Variants in AKR1C1 observed in about 807,000 individuals in gnomAD.
AKR1C1 encodes the protein aldo-keto reductase family 1 member C1, also known as 20 alpha-hydroxysteroid dehydrogenase.
In AKR1C1, 32 loss-of-function variants were observed where a neutral mutation model predicts 40.6. That is an observed-to-expected ratio of 0.79 (90% CI 0.60 to 1.06). AKR1C1 has a LOEUF of 1.06. AKR1C1 is among the 50% of genes least tolerant of loss of function. AKR1C1 has a pLI of 0.00. For synonymous variants in AKR1C1, 105 were observed against 134.2 expected (o/e 0.78, Z 1.50); for missense variants, 320 against 363.5 (o/e 0.88, Z 0.97).
At chr10:4,968,766 C>T in intron 4 of AKR1C1, 56 bp from the exon 5 acceptor site, 1 of 1,613,056 alleles carries the variant, frequency 6.2e-7, no homozygotes, top group South Asian at 1.1e-5. Flanking sequence ...GTTACTTTCA[C>T]AGTTCTGTGT....
chr10:4,963,718 A>G lies in AKR1C1; in HGVS notation c.84+190A>G, dbSNP rs563365856. On this transcript the variant is annotated intron_variant, in intron 1 of 8. Transcript: ENST00000380872. ...TGTGGCACTGTTTTGTCTTCTGTTT[A>G]TGTTTATTTCACAGCTTGTCAGAGT... 6.6e-5 allele frequency: 49 copies of G among 743,172 alleles called. No homozygotes were observed. In the South Asian group the frequency reaches 6.9e-4, roughly 11 times the overall value. The allele number at this position is 743,172 out of a possible 1,614,324, so 46.0% of individuals were successfully genotyped here. A position where few individuals can be genotyped will look rare whatever the true frequency, so the allele number is the denominator to read the frequency against.
In AKR1C1 at chr10:4,972,655, C is replaced by T. The variant is rs1404205819; in HGVS notation, c.752C>T (p.Thr251Ile). ...LCALAKKHKRTPALIALRYQL... is the reference protein window; with the variant it reads ...LCALAKKHKRIPALIALRYQL... ...GCCTTGGCAAAAAAGCACAAGCGAA[C>T]CCCAGCCCTGATTGCCCTGCGCTAC... Residue 251 changes from threonine (T) to isoleucine (I), a missense_variant, in exon 7 of 9, where the codon ACC (threonine) becomes ATC (isoleucine). Around this residue, in one of 3 missense-constraint regions of AKR1C1, gnomAD observed 77 missense variants for 125.3 expected, o/e 0.61. Transcript: ENST00000380872. 1 of 1,613,086 alleles carries T rather than the reference C, an allele frequency of 6.2e-7. No individual in the cohort carries two copies. The highest frequency in any genetic ancestry group is 8.5e-7 in the Non-Finnish European group (1 of 1,180,048).
chr10:4,968,966 T>C (rs1336377597), intron 5 of AKR1C1, 22 bp downstream of exon 5: 1 of 1,613,958 alleles, frequency 6.2e-7, no homozygotes, highest in African/African-American at 1.3e-5. Flanking sequence ...CAGCCTCCTC[T>C]CCTTTCTGTT....
chr10:4,977,853 G>A lies in AKR1C1; in HGVS notation c.*111G>A. On this transcript the variant is annotated 3_prime_UTR_variant, in exon 9 of 9. Transcript: ENST00000380872. ...CATCGCCTCTGGTTAAATCTCTCCTGCTTGGTGATTTCAGCAAGCTACAGC... is the reference window on the plus strand; with the variant it reads ...CATCGCCTCTGGTTAAATCTCTCCTACTTGGTGATTTCAGCAAGCTACAGC... The A allele has an allele frequency of 1.4e-6, 2 of 1,470,394 alleles. No individual in the cohort carries two copies. The highest frequency in any genetic ancestry group is 2.4e-5 in the East Asian group (1 of 41,846). 91.1% of individuals were successfully genotyped at this position (1,470,394 alleles called of 1,614,324 possible).
rs1404426161 is a variant in AKR1C1 at position 4,981,781 on chromosome 10, G to A, written c.*4039G>A. On this transcript the variant is annotated 3_prime_UTR_variant, in exon 9 of 9. Coordinates refer to ENST00000380872, the MANE Select transcript of AKR1C1 (RefSeq NM_001353.6). ...CAAGTGCCTTGAGCAGAATCCACAGGGGAGAGCTGGAAGTGCATGGCAGAT... is the reference window on the plus strand; with the variant it reads ...CAAGTGCCTTGAGCAGAATCCACAGAGGAGAGCTGGAAGTGCATGGCAGAT... The A allele has an allele frequency of 6.6e-6, 1 of 152,284 alleles. No individual in the cohort carries two copies. The highest frequency in any genetic ancestry group is 1.5e-5 in the Non-Finnish European group (1 of 68,100). The allele number at this position is 152,284 out of a possible 1,614,324, so 9.4% of individuals were successfully genotyped here. A position where few individuals can be genotyped will look rare whatever the true frequency, so the allele number is the denominator to read the frequency against.
chr10:4,970,666 T>C lies in AKR1C1; in HGVS notation c.571-1535T>C, dbSNP rs149398095. ...TGAGTTCATATCCTTTGTAGGGACA[T>C]GGATGAAACTGGAAATCATCATTGT... On this transcript the variant is annotated intron_variant, in intron 5 of 8. Transcript: ENST00000380872. Among the ~76,000 whole-genome samples, 17 of 152,174 alleles carry C rather than the reference T, an allele frequency of 1.1e-4. No individual in the cohort carries two copies. In the East Asian group the frequency reaches 2.5e-3, roughly 22 times the overall value.
chr10:4,966,704 A>C (rs1319364336), intron 2 of AKR1C1, among the ~76,000 whole-genome samples: 9 of 152,206 alleles, frequency 5.9e-5, no homozygotes, highest in Non-Finnish European at 8.8e-5. Context: ...CCTTTTGAGT[A>C]ATTTCACTCT....
rs1310287798 is a variant in AKR1C1 at position 4,979,520 on chromosome 10, G to A, written c.*1778G>A. 3.3e-5 allele frequency: 5 copies of A among 152,088 alleles called. No individual in the cohort carries two copies. The highest frequency in any genetic ancestry group is 6.5e-5 in the Admixed American group (1 of 15,280). The allele number at this position is 152,088 out of a possible 1,614,324, so 9.4% of individuals were successfully genotyped here. ...CATCTCATAAACTTGACTGATGTAA[G>A]TGTCAAGAAAAGATTGACATTTTGT... On this transcript the variant is annotated 3_prime_UTR_variant, in exon 9 of 9. Transcript: ENST00000380872.
intron 2 of AKR1C1, among the ~76,000 whole-genome samples, 155 bp downstream of exon 2, chr10:4,966,236 A>G (rs542848301): frequency 6.6e-6 from 1 of 152,362 alleles, no homozygotes; most frequent in Admixed American, 6.5e-5. Context: ...TATCAAAGGC[A>G]GGAAGTGAAG....
At position 4,969,441 on chromosome 10, in the gene AKR1C1, T is replaced by C. The variant is rs1428718450; in HGVS notation, c.570+497T>C. Among the ~76,000 whole-genome samples, 11 of 152,230 alleles carry C rather than the reference T, an allele frequency of 7.2e-5. No individual in the cohort carries two copies. The South Asian group carries it at 2.3e-3, about 32-fold the overall frequency. On this transcript the variant is annotated intron_variant, in intron 5 of 8. Transcript: ENST00000380872. ...CTTTCACACTTCTTGACCAAGGGCATAGATACACTAAAAATTATCTGCAGA... is the reference window on the plus strand; with the variant it reads ...CTTTCACACTTCTTGACCAAGGGCACAGATACACTAAAAATTATCTGCAGA...
rs2131653408 is a variant in AKR1C1 at position 4,979,716 on chromosome 10, C to CTCT, written c.*1976_*1978dup. 1 of 152,162 alleles carries CTCT rather than the reference C, an allele frequency of 6.6e-6. No homozygotes were observed. The highest frequency in any genetic ancestry group is 2.1e-4 in the South Asian group (1 of 4,818). The allele number at this position is 152,162 out of a possible 1,614,324, so 9.4% of individuals were successfully genotyped here. ...TTCTTCACCATCCATTTTTATAAAA[C>CTCT]TCTTATTGTTAAAAAAAAAGTTACT... On this transcript the variant is annotated 3_prime_UTR_variant, in exon 9 of 9. Coordinates refer to ENST00000380872, the MANE Select transcript of AKR1C1 (RefSeq NM_001353.6).
At chr10:4,974,703 T>G (rs1836498117) in intron 7 of AKR1C1, among the ~76,000 whole-genome samples, 1 of 152,160 alleles carries the variant, frequency 6.6e-6, no homozygotes, top group African/African-American at 2.4e-5. Flanking sequence ...TAACTTGATT[T>G]TTTTACCTGT....
chr10:4,966,912 C>G lies in AKR1C1; in HGVS notation c.253-15C>G. The stretch of plus-strand genomic sequence containing the variant: ...AAGTTTTCATTACACAACTTCCTTT[C>G]TCTAACCTCTGCAGCTTTGGTGCAA... On this transcript the variant is annotated splice_polypyrimidine_tract_variant and intron_variant, in intron 2 of 8. Transcript: ENST00000380872. 2.5e-6 allele frequency: 4 copies of G among 1,605,372 alleles called. No homozygotes were observed. Among genetic ancestry groups the G allele is most frequent in the Non-Finnish European group, 1.7e-6 (2 of 1,176,680 alleles).
rs945733234 is a variant in AKR1C1, at chr10:4,968,752, A to G, written c.448-70A>G. The stretch of plus-strand genomic sequence containing the variant: ...GCTAGTTTTATTGTCATATCTAGAC[A>G]GTTGTTACTTTCACAGTTCTGTGTC... On this transcript the variant is annotated intron_variant, in intron 4 of 8. Transcript: ENST00000380872. The G allele has an allele frequency of 6.8e-6, 11 of 1,610,222 alleles. No individual in the cohort carries two copies. In the African/African-American group the frequency reaches 9.4e-5, roughly 14 times the overall value.
At chr10:4,969,605 G>A (rs1588560481) in intron 5 of AKR1C1, 1 of 1,567,354 alleles carries the variant, frequency 6.4e-7, no homozygotes, top group East Asian at 2.3e-5. Flanking sequence ...CTAGTTGGCT[G>A]CTCTTCTTTG....
intron 1 of AKR1C1, among the ~76,000 whole-genome samples, chr10:4,964,701 A>G (rs569013512): frequency 6.6e-6 from 1 of 152,312 alleles, no homozygotes; most frequent in East Asian, 1.9e-4. Context: ...GTTGCCTTGA[A>G]CTTATGGAAC....
rs1160542595 is a variant in AKR1C1 at position 4,982,034 on chromosome 10, G to T, written c.*4292G>T. 6.6e-6 allele frequency: 1 copy of T among 150,440 alleles called. No homozygotes were observed. Among genetic ancestry groups the T allele is most frequent in the Non-Finnish European group, 1.5e-5 (1 of 66,758 alleles). The allele number at this position is 150,440 out of a possible 1,614,324, so 9.3% of individuals were successfully genotyped here. A position where few individuals can be genotyped will look rare whatever the true frequency, so the allele number is the denominator to read the frequency against. On this transcript the variant is annotated 3_prime_UTR_variant, in exon 9 of 9. Transcript: ENST00000380872. ...AGGTGCTGGGTGAGGCTCACTGTGGGGGGCGCACGGCAAGCTATTCAACAT... is the reference window on the plus strand; with the variant it reads ...AGGTGCTGGGTGAGGCTCACTGTGGTGGGCGCACGGCAAGCTATTCAACAT...
At chr10:4,965,763 AC>A in intron 1 of AKR1C1, 150 bp from the exon 2 acceptor site, 1 of 865,852 alleles carries the variant, frequency 1.2e-6, no homozygotes, top group South Asian at 2.2e-5. Flanking sequence ...ACTGGGAAAG[AC>A]CCAGGGAGAC....
At chr10:4,977,578 A>T in intron 8 of AKR1C1, 122 bp from the exon 9 acceptor site, 1 of 946,364 alleles carries the variant, frequency 1.1e-6, no homozygotes, top group Non-Finnish European at 1.6e-6. Context: ...CAGATTCTAG[A>T]GCAGTCAGAA....
Sources: allele counts gnomAD v4.1 joint callset (sites outside exome capture counted in the v4.1 genomes callset), GRCh38; gene constraint gnomAD v4.1.1; regional missense constraint gnomAD v4.1.1; transcripts MANE v1.5; gene names NCBI Gene and HGNC (gene_info 2026-07-23, HGNC 2026-07-21).